Variants in PDE11A observed in about 807,000 individuals in gnomAD.
PDE11A encodes the protein dual 3',5'-cyclic-AMP and -GMP phosphodiesterase 11A.
PDE11A carries 100 observed loss-of-function variants against 100.5 expected under a neutral mutation model. The observed-to-expected ratio is 1.00, with a 90% CI of 0.85 to 1.18. The LOEUF is 1.18. Ranked by LOEUF, PDE11A falls within the 50% of genes most tolerant of loss-of-function variation. PDE11A has a pLI of 0.00. For missense variants in PDE11A, 1,141 were observed against 1,152.6 expected, an observed-to-expected ratio of 0.99 and a Z score of 0.15; for synonymous variants, 381 against 420.8, an observed-to-expected ratio of 0.91 and a Z score of 1.16.
intron 19 of PDE11A, among the ~76,000 whole-genome samples, chr2:177,656,844 G>A (rs543947281): frequency 2.0e-5 from 3 of 152,328 alleles, no homozygotes; most frequent in Admixed American, 1.3e-4. Context: ...CAGAGGCCAG[G>A]GAAGATGGAC....
At chr2:177,810,552 G>C (rs948209771) in intron 9 of PDE11A, among the ~76,000 whole-genome samples, 2 of 152,088 alleles carry the variant, frequency 1.3e-5, no homozygotes, top group Non-Finnish European at 2.9e-5. Flanking sequence ...TGGAGGGGAG[G>C]TTAGAGCAGA....
intron 1 of PDE11A, among the ~76,000 whole-genome samples, chr2:178,063,417 C>G (rs955433624): frequency 9.2e-5 from 14 of 152,132 alleles, no homozygotes; most frequent in African/African-American, 2.7e-4. Flanking sequence ...AAAGTTCATA[C>G]TCACAGACCC....
At chr2:177,895,748 T>C (rs2084603131) in intron 4 of PDE11A, among the ~76,000 whole-genome samples, 1 of 151,760 alleles carries the variant, frequency 6.6e-6, no homozygotes, top group Non-Finnish European at 1.5e-5. Flanking sequence ...TGCCAGAGGC[T>C]AAAAGTAAAA....
chr2:177,911,325 T>A (rs1415379598), intron 2 of PDE11A, among the ~76,000 whole-genome samples: 1 of 152,358 alleles, frequency 6.6e-6, no homozygotes, highest in East Asian at 1.9e-4. Context: ...AATTTTTAAA[T>A]GAGTTTGCAG....
At chr2:177,792,924 G>A (rs926027768) in intron 9 of PDE11A, among the ~76,000 whole-genome samples, 2 of 152,322 alleles carry the variant, frequency 1.3e-5, no homozygotes, top group East Asian at 1.9e-4. Flanking sequence ...AGCAAAATGC[G>A]AAAGAAACCA....
At chr2:177,849,789 C>CAAAAAA (rs71010822) in intron 5 of PDE11A, among the ~76,000 whole-genome samples, 17 of 143,554 alleles carry the variant, frequency 1.2e-4, no homozygotes, top group Middle Eastern at 3.6e-3. Context: ...GACTCCATCT[C>CAAAAAA]AAAAAAAAAA....
At chr2:177,874,970 T>C (rs1489412316) in intron 5 of PDE11A, among the ~76,000 whole-genome samples, 1 of 152,186 alleles carries the variant, frequency 6.6e-6, no homozygotes, top group Non-Finnish European at 1.5e-5. Flanking sequence ...GCACCTGTAA[T>C]GCTAGCACTT....
intron 2 of PDE11A, among the ~76,000 whole-genome samples, chr2:177,999,639 A>T (rs1285992591): frequency 1.3e-5 from 2 of 152,224 alleles, no homozygotes; most frequent in Non-Finnish European, 2.9e-5. Context: ...AAGAAAAGGT[A>T]CTGATTTCCC....
intron 2 of PDE11A, among the ~76,000 whole-genome samples, chr2:177,993,832 A>C (rs2086034611): frequency 6.6e-6 from 1 of 152,152 alleles, no homozygotes; most frequent in Non-Finnish European, 1.5e-5. Flanking sequence ...CTCATCTATA[A>C]AGAAAAAAAT....
intron 13 of PDE11A, among the ~76,000 whole-genome samples, chr2:177,709,169 G>A (rs567212402): frequency 2.0e-5 from 3 of 152,322 alleles, no homozygotes; most frequent in Non-Finnish European, 4.4e-5. Flanking sequence ...AAAAGGGCCC[G>A]AAGGGGCTAA....
At chr2:178,098,810 T>C (rs762901451) in intron 2 of PDE11A, among the ~76,000 whole-genome samples, 1 of 152,206 alleles carries the variant, frequency 6.6e-6, no homozygotes, top group Non-Finnish European at 1.5e-5. Flanking sequence ...CATTTATGAT[T>C]CAATGTGTTC....
intron 9 of PDE11A, among the ~76,000 whole-genome samples, chr2:177,776,849 C>T (rs991912665): frequency 2.0e-4 from 31 of 152,138 alleles, no homozygotes; most frequent in African/African-American, 7.5e-4. Context: ...CAAATCTCAT[C>T]TTGGATTGTA....
intron 16 of PDE11A, among the ~76,000 whole-genome samples, chr2:177,680,221 G>A (rs1312914260): frequency 6.6e-6 from 1 of 152,122 alleles, no homozygotes. Context: ...AGAAGGTCTG[G>A]TTGAGGTGGA....
At chr2:177,807,929 T>TA (rs1188655282) in intron 9 of PDE11A, among the ~76,000 whole-genome samples, 4 of 152,154 alleles carry the variant, frequency 2.6e-5, no homozygotes, top group Non-Finnish European at 4.4e-5. Context: ...AGCCCTTTTA[T>TA]AAAGAGATTA....
chr2:177,814,745 T>G (rs947000162), intron 9 of PDE11A, among the ~76,000 whole-genome samples: 1 of 152,214 alleles, frequency 6.6e-6, no homozygotes, highest in Non-Finnish European at 1.5e-5. Flanking sequence ...GTGTTCACTA[T>G]GAACTGAAAT....
At chr2:177,972,650 C>T (rs2085786722) in intron 2 of PDE11A, among the ~76,000 whole-genome samples, 1 of 152,002 alleles carries the variant, frequency 6.6e-6, no homozygotes, top group African/African-American at 2.4e-5. Context: ...GAAAAAAAAG[C>T]TATAAAGAAG....
intron 5 of PDE11A, among the ~76,000 whole-genome samples, chr2:177,842,222 C>G (rs1558966788): frequency 6.6e-6 from 1 of 152,110 alleles, no homozygotes; most frequent in Non-Finnish European, 1.5e-5. Context: ...GGAAGCAGCG[C>G]TGCAGCAGGA....
At position 177,909,731 on chromosome 2, in the gene PDE11A, A is replaced by AT. The variant is rs2084848878; in HGVS notation, c.1072-4545dup. ...TTCCTTCTTTCTGTGATATAGTTTT[A>AT]TTTTTTTTCCAAAGACAATCCTTTA... is the stretch of plus-strand genomic sequence containing the variant. On this transcript the variant is annotated intron_variant, in intron 2 of 19. Transcript: ENST00000286063. Among the ~76,000 whole-genome samples, 4 of 151,446 alleles carry AT rather than the reference A, an allele frequency of 2.6e-5. No individual in the cohort carries two copies. In the South Asian group the frequency reaches 8.4e-4, roughly 32 times the overall value.
chr2:177,697,394 A>T lies in PDE11A; in HGVS notation c.2283T>A (p.Tyr761Ter). ...NIFANLSSKE[Y>*]SDLMQLLKQS... ...GCTTCAAAAGCTGCATAAGGTCACTATATTCCTTGGAGGACAGGTTAGCAA... is the reference window on the plus strand; with the variant it reads ...GCTTCAAAAGCTGCATAAGGTCACTTTATTCCTTGGAGGACAGGTTAGCAA... The change falls in exon 15 of 20, where the codon TAT becomes TAA. Residue 761 changes from tyrosine (Y) to a stop codon, truncating the protein, a stop_gained. Coordinates refer to ENST00000286063, the MANE Select transcript of PDE11A (RefSeq NM_016953.4). LOFTEE classifies it high-confidence loss of function. 6.2e-7 allele frequency: 1 copy of T among 1,600,384 alleles called. No homozygotes were observed. The highest frequency in any genetic ancestry group is 8.6e-7 in the Non-Finnish European group (1 of 1,167,672).
Sources: gnomAD v4.1 joint callset for allele counts (sites outside exome capture counted in the v4.1 genomes callset) on GRCh38, gnomAD v4.1.1 for gene constraint, MANE v1.5 for transcripts, NCBI Gene and HGNC (gene_info 2026-07-23, HGNC 2026-07-21) for gene names.